The following FAM200B variants were observed in gnomAD, a reference collection of about 807,000 sequenced individuals.
FAM200B encodes the protein zinc finger BED-type containing 11, also known as protein FAM200B.
In FAM200B, 32 loss-of-function variants were observed where a neutral mutation model predicts 33.1. The ratio of observed to expected loss-of-function variants is 0.97; its 90% CI spans 0.73 to 1.30. The LOEUF (loss-of-function observed/expected upper bound fraction) is 1.30, where lower values mean the gene tolerates loss of function less well. Among genes scored for constraint, FAM200B ranks in the 50% most tolerant of loss-of-function variants. The pLI is 0.00. For missense variants in FAM200B, 741 were observed against 754.0 expected (o/e 0.98, Z 0.20); for synonymous variants, 240 against 264.8 (o/e 0.91, Z 0.91).
intron 1 of FAM200B, among the ~76,000 whole-genome samples, chr4:15,683,238 C>T (rs1228469444): frequency 6.6e-6 from 1 of 152,110 alleles, no homozygotes; most frequent in Non-Finnish European, 1.5e-5. Context: ...ATATTTTCTT[C>T]TGACAAACTT....
chr4:15,677,135 T>C (rs1418486567), upstream of FAM200B, among the ~76,000 whole-genome samples: 1 of 152,090 alleles, frequency 6.6e-6, no homozygotes, highest in Non-Finnish European at 1.5e-5. Flanking sequence ...TTCAAGATAA[T>C]GGTTTCCTCT....
chr4:15,652,103 G>A, the FAM200B span, among the ~76,000 whole-genome samples: 2 of 152,132 alleles, frequency 1.3e-5, no homozygotes, highest in African/African-American at 2.4e-5. Flanking sequence ...AAACTCCAAT[G>A]CTCACTGACA....
chr4:15,666,266 G>A, the FAM200B span, among the ~76,000 whole-genome samples: 68 of 152,178 alleles, frequency 4.5e-4, no homozygotes, highest in African/African-American at 1.6e-3. Context: ...AGGTATGGTG[G>A]TGCATGCCTG....
the FAM200B span, chr4:15,640,905 C>G: frequency 3.9e-6 from 5 of 1,274,794 alleles, no homozygotes; most frequent in South Asian, 1.5e-5. Context: ...AAAAAAAATA[C>G]ATTTTTATAA....
chr4:15,681,776 AT>A (rs1015328479), upstream of FAM200B: 1 of 152,706 alleles, frequency 6.5e-6, no homozygotes, highest in Admixed American at 6.5e-5. Flanking sequence ...GGAATGGGGA[AT>A]TTGTGAGGTA....
chr4:15,660,677 G>A, the FAM200B span, among the ~76,000 whole-genome samples: 7 of 152,154 alleles, frequency 4.6e-5, no homozygotes. Context: ...GTGATAAAAG[G>A]TGCTAGATTA....
chr4:15,665,129 C>T, the FAM200B span, among the ~76,000 whole-genome samples: 1 of 152,150 alleles, frequency 6.6e-6, no homozygotes, highest in Admixed American at 6.5e-5. Context: ...CCCATTCTTC[C>T]TCGAAACCTC....
Position 15,687,024 on chromosome 4 carries a change from A to T in FAM200B, c.47A>T (p.Tyr16Phe). 1 of 1,504,816 alleles carries T rather than the reference A, an allele frequency of 6.6e-7. No homozygotes were observed. The highest frequency in any genetic ancestry group is 2.5e-5 in the East Asian group (1 of 40,490). 93.2% of individuals were successfully genotyped at this position (1,504,816 alleles called of 1,614,324 possible). A position where few individuals can be genotyped will look rare whatever the true frequency, so the allele number is the denominator to read the frequency against. ...IKRKRNSEVK[Y>F]TEACSSSSVE... ...AGAAAGAGGAATAGTGAAGTGAAATATACAGAAGCATGTTCAAGTTCATCT... is the reference window on the plus strand; with the variant it reads ...AGAAAGAGGAATAGTGAAGTGAAATTTACAGAAGCATGTTCAAGTTCATCT... The change falls in exon 2 of 2, where the codon TAT becomes TTT. Residue 16 changes from tyrosine to phenylalanine, a missense_variant. Coordinates refer to ENST00000422728, the MANE Select transcript of FAM200B (RefSeq NM_001145191.2).
chr4:15,683,984 G>A (rs975159587), intron 1 of FAM200B, among the ~76,000 whole-genome samples: 7 of 152,312 alleles, frequency 4.6e-5, no homozygotes, highest in South Asian at 2.1e-4. Context: ...TCATATAACC[G>A]TGTTAATGCA....
chr4:15,642,267 G>A, the FAM200B span, among the ~76,000 whole-genome samples: 2 of 146,828 alleles, frequency 1.4e-5, no homozygotes, highest in African/African-American at 2.5e-5. Context: ...TTTAAGACAA[G>A]CCTTGCTCTG....
At chr4:15,641,505 A>G in the FAM200B span, 3 of 382,150 alleles carry the variant, frequency 7.9e-6, no homozygotes, top group South Asian at 5.9e-5. Context: ...TCTTAGTAAC[A>G]TTCTTTTCTC....
chr4:15,663,501 C>A, the FAM200B span, among the ~76,000 whole-genome samples: 1 of 152,196 alleles, frequency 6.6e-6, no homozygotes, highest in Non-Finnish European at 1.5e-5. Context: ...TTCTTACTTA[C>A]TACCAGCAGG....
At chr4:15,662,485 A>C in the FAM200B span, among the ~76,000 whole-genome samples, 1 of 152,196 alleles carries the variant, frequency 6.6e-6, no homozygotes, top group Non-Finnish European at 1.5e-5. Context: ...AGCATTCAAT[A>C]CTATCTTTTA....
Position 15,687,252 on chromosome 4 carries a change from T to A in FAM200B, c.275T>A (p.Ile92Asn), listed in dbSNP as rs1056454427. 1 of 1,546,114 alleles carries A rather than the reference T, an allele frequency of 6.5e-7. No homozygotes were observed. The highest frequency in any genetic ancestry group is 8.7e-7 in the Non-Finnish European group (1 of 1,145,214). ...CCTCAGTGTGTTATTTGTAATAATATTCTTGCGAATGAAAGCTTAAAACCT... is the reference window on the plus strand; with the variant it reads ...CCTCAGTGTGTTATTTGTAATAATAATCTTGCGAATGAAAGCTTAAAACCT... Reference protein sequence around the residue: ...DRPQCVICNNILANESLKPSK... With the variant: ...DRPQCVICNNNLANESLKPSK... Residue 92 changes from isoleucine to asparagine, a missense_variant, in exon 2 of 2, where the codon ATT (isoleucine) becomes AAT (asparagine). Ile to Asn is a moderately radical substitution (Grantham distance 149). Transcript: ENST00000422728.
At chr4:15,638,799 A>G in the FAM200B span, 2 of 675,142 alleles carry the variant, frequency 3.0e-6, no homozygotes, top group Non-Finnish European at 4.6e-6. Context: ...ATGACCATAT[A>G]TCTCAAAAAG....
chr4:15,680,174 G>A (rs375298328), upstream of FAM200B, among the ~76,000 whole-genome samples: 38 of 151,828 alleles, frequency 2.5e-4, no homozygotes, highest in East Asian at 6.8e-3. Flanking sequence ...AGTGAAATAA[G>A]ACTGTATATT....
the FAM200B span, among the ~76,000 whole-genome samples, chr4:15,666,491 T>A: frequency 6.6e-6 from 1 of 152,246 alleles, no homozygotes; most frequent in African/African-American, 2.4e-5. Flanking sequence ...AGGATGATGG[T>A]TACCAGAGGC....
the FAM200B span, among the ~76,000 whole-genome samples, chr4:15,676,555 A>G: frequency 6.6e-6 from 1 of 152,214 alleles, no homozygotes; most frequent in East Asian, 1.9e-4. Flanking sequence ...TGTAAAAAAC[A>G]TTTTTTGGCA....
At chr4:15,658,203 G>C in the FAM200B span, among the ~76,000 whole-genome samples, 2 of 152,166 alleles carry the variant, frequency 1.3e-5, no homozygotes, top group African/African-American at 4.8e-5. Context: ...TCCCTAATAG[G>C]GGATTAGTTG....
Sources: allele counts gnomAD v4.1 joint callset (sites outside exome capture counted in the v4.1 genomes callset), GRCh38; gene constraint gnomAD v4.1.1; transcripts MANE v1.5; gene names NCBI Gene and HGNC (gene_info 2026-07-23, HGNC 2026-07-21).